Variants in HSD17B12 observed in about 807,000 individuals in gnomAD.
The protein encoded by HSD17B12 is hydroxysteroid 17-beta dehydrogenase 12.
In HSD17B12, 32 loss-of-function variants were observed where a neutral mutation model predicts 39.3. That is an observed-to-expected ratio of 0.81 (90% confidence interval 0.61 to 1.09). The LOEUF (loss-of-function observed/expected upper bound fraction) is 1.09. Ranked by LOEUF, HSD17B12 falls within the 50% of genes least tolerant of loss-of-function variation. HSD17B12 has a pLI of 0.00. For synonymous variants in HSD17B12, 150 were observed against 146.7 expected (o/e 1.02, Z -0.16); for missense variants, 342 against 382.9 (o/e 0.89, Z 0.89).
chr11:43,674,422 T>G, the HSD17B12 span, among the ~76,000 whole-genome samples: 1 of 152,206 alleles, frequency 6.6e-6, no homozygotes, highest in African/African-American at 2.4e-5. Context: ...TTTCCCTTAG[T>G]AGATAAAACA....
At chr11:43,706,732 G>A (rs963563361) in intron 1 of HSD17B12, among the ~76,000 whole-genome samples, 11 of 145,068 alleles carry the variant, frequency 7.6e-5, no homozygotes, top group Admixed American at 4.0e-4. Flanking sequence ...TGTGGGGGGT[G>A]GGTGTGCATT....
the HSD17B12 span, among the ~76,000 whole-genome samples, chr11:43,649,167 G>A: frequency 3.3e-5 from 5 of 151,822 alleles, no homozygotes; most frequent in African/African-American, 9.7e-5. Context: ...TTTATAAGGG[G>A]AGAAAAGGGC....
At position 43,820,372 on chromosome 11, in the gene HSD17B12, G is replaced by A. The variant is rs536991950; in HGVS notation, c.501+3981G>A. On this transcript the variant is annotated intron_variant, in intron 6 of 10. Coordinates refer to ENST00000278353, the MANE Select transcript of HSD17B12 (RefSeq NM_016142.3). ...TTCACCTTGACGAAATTTGTGTGACGCTCCCAGGTTTAGGACTCTTTGGTG... is the reference window on the plus strand; with the variant it reads ...TTCACCTTGACGAAATTTGTGTGACACTCCCAGGTTTAGGACTCTTTGGTG... Among the ~76,000 whole-genome samples, 61 of 152,218 alleles carry A rather than the reference G, an allele frequency of 4.0e-4. 1 individual carries two copies. Among genetic ancestry groups the A allele is most frequent in the Non-Finnish European group, 3.1e-4 (21 of 68,002 alleles).
intron 2 of HSD17B12, among the ~76,000 whole-genome samples, chr11:43,753,024 A>G (rs1347478146): frequency 2.0e-5 from 3 of 152,160 alleles, no homozygotes; most frequent in African/African-American, 7.2e-5. Context: ...AGTTGATAGC[A>G]CCTAATTTAT....
chr11:43,838,487 G>A, intron 8 of HSD17B12, 89 bp downstream of exon 8: 2 of 1,018,468 alleles, frequency 2.0e-6, no homozygotes, highest in Non-Finnish European at 1.5e-6. Flanking sequence ...CTTTCCTGAA[G>A]TTCTGTTCTT....
In HSD17B12 at chr11:43,766,412, T is replaced by C. The variant is rs567253159; in HGVS notation, c.283+12291T>C. On this transcript the variant is annotated intron_variant, in intron 3 of 10. Coordinates refer to ENST00000278353, the MANE Select transcript of HSD17B12 (RefSeq NM_016142.3). Reference sequence around the variant, plus strand: ...TTTATTGTCCAATGTCTGGAAACCATTGCTTCATATATTTTGTCCATTTTT... The same window carrying C: ...TTTATTGTCCAATGTCTGGAAACCACTGCTTCATATATTTTGTCCATTTTT... Among the ~76,000 whole-genome samples the C allele has an allele frequency of 3.3e-5, 5 of 152,306 alleles. No homozygotes were observed. The South Asian group carries it at 8.3e-4, about 25-fold the overall frequency.
intron 1 of HSD17B12, among the ~76,000 whole-genome samples, chr11:43,731,907 C>A (rs1211253843): frequency 2.0e-5 from 3 of 152,136 alleles, no homozygotes. Context: ...AGTTTTCGAT[C>A]TTCTGACATC....
chr11:43,706,075 A>G (rs1033948801), intron 1 of HSD17B12, among the ~76,000 whole-genome samples: 1 of 151,902 alleles, frequency 6.6e-6, no homozygotes, highest in Non-Finnish European at 1.5e-5. Flanking sequence ...AGGGACATGG[A>G]CTCTACTTTG....
chr11:43,558,878 A>T, the HSD17B12 span, among the ~76,000 whole-genome samples: 1 of 151,978 alleles, frequency 6.6e-6, no homozygotes, highest in Non-Finnish European at 1.5e-5. Context: ...TGCTATTGCC[A>T]CCCCCCACCC....
At chr11:43,852,321 G>A (rs937991951) in intron 9 of HSD17B12, 2 of 152,108 alleles carry the variant, frequency 1.3e-5, no homozygotes, top group African/African-American at 4.8e-5. Context: ...ACGAAGGGAG[G>A]GAAGAAGATG....
chr11:43,681,333 C>T (rs145750854), intron 1 of HSD17B12: 648 of 230,846 alleles, frequency 2.8e-3, no homozygotes, highest in Non-Finnish European at 4.3e-3. Context: ...CTCAGTCACA[C>T]GCTGTCCTCC....
the HSD17B12 span, among the ~76,000 whole-genome samples, chr11:43,639,276 C>T: frequency 2.6e-5 from 4 of 152,222 alleles, no homozygotes; most frequent in Admixed American, 6.5e-5. Context: ...CCTTGCCTAA[C>T]AGCACAGCCC....
chr11:43,844,077 T>C (rs1369392244), intron 9 of HSD17B12, among the ~76,000 whole-genome samples: 1 of 152,182 alleles, frequency 6.6e-6, no homozygotes, highest in Non-Finnish European at 1.5e-5. Flanking sequence ...TCAGCCTCTT[T>C]ATCTGAATGG....
intron 1 of HSD17B12, among the ~76,000 whole-genome samples, chr11:43,709,261 G>T (rs895996916): frequency 2.6e-5 from 4 of 152,230 alleles, no homozygotes; most frequent in South Asian, 2.1e-4. Flanking sequence ...GAGTAGCGGG[G>T]ATTACAGGCG....
At chr11:43,804,614 A>G (rs1951001329) in intron 4 of HSD17B12, among the ~76,000 whole-genome samples, 1 of 151,938 alleles carries the variant, frequency 6.6e-6, no homozygotes, top group Non-Finnish European at 1.5e-5. Context: ...CTGAATGCAA[A>G]CTCTTTGTTA....
the HSD17B12 span, among the ~76,000 whole-genome samples, chr11:43,662,377 TTGTGTG>T: frequency 6.5e-3 from 838 of 128,516 alleles, 5 homozygotes; most frequent in African/African-American, 0.022. Flanking sequence ...TTTATTTTAT[TTGTGTG>T]TGTGTGTGTG....
At chr11:43,585,505 C>G in the HSD17B12 span, among the ~76,000 whole-genome samples, 6 of 152,172 alleles carry the variant, frequency 3.9e-5, no homozygotes, top group Admixed American at 3.9e-4. Context: ...ATCTTCAGAT[C>G]TTTATACAAC....
chr11:43,672,039 T>TA, the HSD17B12 span, among the ~76,000 whole-genome samples: 1 of 152,086 alleles, frequency 6.6e-6, no homozygotes, highest in African/African-American at 2.4e-5. Context: ...AAAGAGCCCT[T>TA]CTTATTTTTT....
chr11:43,726,201 T>G (rs1248442669), intron 1 of HSD17B12, among the ~76,000 whole-genome samples: 1 of 152,162 alleles, frequency 6.6e-6, no homozygotes, highest in East Asian at 1.9e-4. Context: ...ACTAATAGTA[T>G]TCCCATTTTA....
Sources: gnomAD v4.1 joint callset for allele counts (sites outside exome capture counted in the v4.1 genomes callset) on GRCh38, gnomAD v4.1.1 for gene constraint, MANE v1.5 for transcripts, NCBI Gene and HGNC (gene_info 2026-07-23, HGNC 2026-07-21) for gene names.